DLGAP2: variants seen among roughly 807,000 people sequenced by gnomAD.
DLGAP2 encodes the protein disks large-associated protein 2.
In DLGAP2, 26 loss-of-function variants were observed where a neutral mutation model predicts 100.3. The ratio of observed to expected loss-of-function variants is 0.26; its 90% CI spans 0.19 to 0.36. The LOEUF (loss-of-function observed/expected upper bound fraction) is 0.36, where lower values mean the gene tolerates loss of function less well. Among genes scored for constraint, DLGAP2 ranks in the 10% least tolerant of loss-of-function variants. The pLI, the probability that DLGAP2 is intolerant of heterozygous loss-of-function variation, is 1.00. For synonymous variants in DLGAP2, 886 were observed against 630.1 expected (o/e 1.41, Z -6.08); for missense variants, 1,858 against 1,453.2 (o/e 1.28, Z -4.53).
chr8:1,179,067 C>G (rs189525602), intron 2 of DLGAP2, among the ~76,000 whole-genome samples: 26 of 152,384 alleles, frequency 1.7e-4, no homozygotes, highest in African/African-American at 5.3e-4. Context: ...CATGTGCACA[C>G]TTAAACAGGC....
intron 2 of DLGAP2, among the ~76,000 whole-genome samples, chr8:1,190,551 G>T (rs1797610635): frequency 6.6e-6 from 1 of 152,156 alleles, no homozygotes; most frequent in African/African-American, 2.4e-5. Context: ...CCCCGTCCTT[G>T]CTTCTCATCT....
Position 1,501,377 on chromosome 8 carries a change from G to A in DLGAP2, c.118G>A (p.Gly40Arg), listed in dbSNP as rs1158838690. ...TTCTGTCTTTGCAGAGGAAGAAGCT[G>A]GAGACTTGGTCCAGCCGGGCATCAG... ...LCGEPEEEEAGDLVQPGISFP... is the reference protein window; with the variant it reads ...LCGEPEEEEARDLVQPGISFP... Residue 40 changes from glycine (G) to arginine (R), a missense_variant, in exon 4 of 15, where the codon GGA (glycine) becomes AGA (arginine). Gly to Arg is a moderately radical substitution (Grantham distance 125). Coordinates refer to ENST00000637795, the MANE Select transcript of DLGAP2 (RefSeq NM_001346810.2). 1.3e-6 allele frequency: 2 copies of A among 1,535,908 alleles called. No individual in the cohort carries two copies. The highest frequency in any genetic ancestry group is 2.0e-5 in the Admixed American group (1 of 50,994).
At chr8:1,023,620 C>T (rs1474942054) in intron 2 of DLGAP2, among the ~76,000 whole-genome samples, 2 of 150,976 alleles carry the variant, frequency 1.3e-5, no homozygotes, top group African/African-American at 4.8e-5. Flanking sequence ...TGTTCCTGCT[C>T]AGGACCTGGT....
chr8:813,616 G>A (rs1034103340), intron 1 of DLGAP2, among the ~76,000 whole-genome samples: 1 of 152,152 alleles, frequency 6.6e-6, no homozygotes, highest in Non-Finnish European at 1.5e-5. Flanking sequence ...TTTTAAAGGA[G>A]GTGAGGGCCT....
intron 3 of DLGAP2, among the ~76,000 whole-genome samples, chr8:1,384,199 A>T (rs1416924037): frequency 6.6e-6 from 1 of 152,258 alleles, no homozygotes; most frequent in African/African-American, 2.4e-5. Context: ...TTAAGGGATG[A>T]AGTGGCCTTG....
chr8:1,549,029 G>A lies in DLGAP2; in HGVS notation c.576G>A (p.Leu192=), dbSNP rs768034462. 1 of 1,596,232 alleles carries A rather than the reference G, an allele frequency of 6.3e-7. No individual in the cohort carries two copies. The highest frequency in any genetic ancestry group is 1.1e-5 in the South Asian group (1 of 89,822). The part of the protein sequence containing the change: ...GAKINRIPAN[L]LDQFEKQLPL... ...AGATCAACCGCATCCCGGCCAACCTGCTGGACCAGTTCGAGAAGCAGCTGC... is the reference window on the plus strand; with the variant it reads ...AGATCAACCGCATCCCGGCCAACCTACTGGACCAGTTCGAGAAGCAGCTGC... Residue 192 remains leucine, a synonymous_variant, in exon 5 of 15, where the codon CTG becomes CTA. Transcript: ENST00000637795.
intron 1 of DLGAP2, among the ~76,000 whole-genome samples, chr8:775,114 G>A (rs1023700575): frequency 2.0e-5 from 3 of 152,116 alleles, no homozygotes; most frequent in African/African-American, 4.8e-5. Context: ...TGAAGCAATT[G>A]TGAATGGGAG....
At chr8:1,124,196 A>G (rs1796113728) in intron 2 of DLGAP2, among the ~76,000 whole-genome samples, 1 of 152,242 alleles carries the variant, frequency 6.6e-6, no homozygotes, top group South Asian at 2.1e-4. Flanking sequence ...TACATAGAAC[A>G]TAGTCCTTGG....
intron 3 of DLGAP2, among the ~76,000 whole-genome samples, chr8:1,325,330 TA>T (rs1263225587): frequency 6.6e-6 from 1 of 152,182 alleles, no homozygotes; most frequent in Non-Finnish European, 1.5e-5. Flanking sequence ...ATCTTAGAGT[TA>T]AAGCTGCCTG....
intron 1 of DLGAP2, among the ~76,000 whole-genome samples, chr8:759,652 T>G (rs368220323): frequency 1.4e-4 from 21 of 152,144 alleles, no homozygotes; most frequent in African/African-American, 4.1e-4. Context: ...AGTCCAGCAC[T>G]CCGGTGTCCC....
At chr8:1,043,455 G>A (rs1802430752) in intron 2 of DLGAP2, among the ~76,000 whole-genome samples, 1 of 151,912 alleles carries the variant, frequency 6.6e-6, no homozygotes, top group Admixed American at 6.6e-5. Flanking sequence ...GTGGATGTAG[G>A]TGGTGGCTGG....
At chr8:1,437,631 C>T (rs892031850) in intron 3 of DLGAP2, among the ~76,000 whole-genome samples, 4 of 151,704 alleles carry the variant, frequency 2.6e-5, no homozygotes, top group Non-Finnish European at 5.9e-5. Flanking sequence ...AGTTATTTCC[C>T]CTCCATCAGC....
At chr8:1,006,522 ATCATGTCAGGGACACCGTG>A (rs1801114673) in intron 2 of DLGAP2, among the ~76,000 whole-genome samples, 1 of 106,636 alleles carries the variant, frequency 9.4e-6, no homozygotes, top group Non-Finnish European at 1.9e-5. Context: ...GTGGTCCTTT[ATCATGTCAGGGACACCGTG>A]TGTCTCAAGT....
chr8:1,124,849 C>T (rs1796129709), intron 2 of DLGAP2, among the ~76,000 whole-genome samples: 2 of 152,134 alleles, frequency 1.3e-5, no homozygotes, highest in African/African-American at 4.8e-5. Flanking sequence ...TGAGTGGGGC[C>T]CGGAACCCCA....
intron 3 of DLGAP2, among the ~76,000 whole-genome samples, chr8:1,298,368 C>T (rs953701579): frequency 1.3e-5 from 2 of 152,200 alleles, no homozygotes; most frequent in Non-Finnish European, 2.9e-5. Context: ...CACATGATGG[C>T]CCCGCACCTG....
At chr8:753,298 C>G (rs13254307) in intron 1 of DLGAP2, among the ~76,000 whole-genome samples, 1 of 152,176 alleles carries the variant, frequency 6.6e-6, no homozygotes, top group East Asian at 1.9e-4. Flanking sequence ...TCACCAGTGC[C>G]GGGAGGTCAG....
At chr8:1,468,781 C>G (rs980148714) in intron 3 of DLGAP2, among the ~76,000 whole-genome samples, 1 of 152,048 alleles carries the variant, frequency 6.6e-6, no homozygotes, top group Non-Finnish European at 1.5e-5. Flanking sequence ...TGCACTCCCA[C>G]TGCAGGCTCT....
intron 3 of DLGAP2, among the ~76,000 whole-genome samples, chr8:1,434,065 C>T (rs552817816): frequency 2.1e-4 from 32 of 152,158 alleles, no homozygotes; most frequent in Non-Finnish European, 3.5e-4. Flanking sequence ...AGAAATGGCG[C>T]TGAATGAGGC....
intron 2 of DLGAP2, among the ~76,000 whole-genome samples, chr8:945,452 A>G (rs893320300): frequency 6.6e-6 from 1 of 152,130 alleles, no homozygotes; most frequent in Non-Finnish European, 1.5e-5. Flanking sequence ...TAGACTTTAA[A>G]TTTTCCTAGT....
Sources: gnomAD v4.1 joint callset for allele counts (sites outside exome capture counted in the v4.1 genomes callset) on GRCh38, gnomAD v4.1.1 for gene constraint, MANE v1.5 for transcripts, NCBI Gene and HGNC (gene_info 2026-07-23, HGNC 2026-07-21) for gene names.